The following RABGGTB variants were observed in gnomAD, a reference collection of about 807,000 sequenced individuals.
RABGGTB encodes geranylgeranyl transferase type-2 subunit beta.
A neutral mutation model predicts 44.5 loss-of-function variants in RABGGTB; 20 were observed. The observed-to-expected ratio is 0.45, with a 90% confidence interval of 0.32 to 0.65. RABGGTB has a LOEUF of 0.65. RABGGTB is among the 30% of genes least tolerant of loss of function. The pLI, the probability that RABGGTB is intolerant of heterozygous loss-of-function variation, is 0.05. For missense variants in RABGGTB, 302 were observed against 398.7 expected (o/e 0.76, Z 2.06); for synonymous variants, 128 against 136.7 (o/e 0.94, Z 0.44).
chr1:75,788,786 A>G, intron 2 of RABGGTB: 2 of 213,458 alleles, frequency 9.4e-6, no homozygotes, highest in East Asian at 1.0e-4. Context: ...CAGAGTCCAC[A>G]TTAAAATAGA....
intron 3 of RABGGTB, 39 bp downstream of exon 3, chr1:75,789,395 G>A: frequency 6.3e-7 from 1 of 1,575,050 alleles, no homozygotes; most frequent in South Asian, 1.1e-5. Context: ...TTGATAGTAT[G>A]TTCTCTTACT....
chr1:75,787,213 C>T (rs1649515232), intron 1 of RABGGTB: 10 of 630,430 alleles, frequency 1.6e-5, no homozygotes, highest in Non-Finnish European at 3.0e-5. Context: ...TTGTTGGATA[C>T]AATTTGTTGT....
chr1:75,786,334 G>A, intron 1 of RABGGTB, 60 bp downstream of exon 1: 1 of 1,598,996 alleles, frequency 6.3e-7, no homozygotes, highest in South Asian at 1.1e-5. Flanking sequence ...GTGGAGTAGG[G>A]TTAAGCACAC....
chr1:75,787,495 A>AG lies in RABGGTB; in HGVS notation c.5dup. The AG allele has an allele frequency of 6.2e-7, 1 of 1,610,454 alleles. No individual in the cohort carries two copies. Among genetic ancestry groups the AG allele is most frequent in the Non-Finnish European group, 8.5e-7 (1 of 1,176,722 alleles). On this transcript the variant is annotated splice_acceptor_variant, in intron 1 of 8. Transcript: ENST00000319942. LOFTEE classifies it high-confidence loss of function. ...GATGAGATTACCACTTTATTTTGAAAGGGCACTCCACAGAAGGATGTTATT... is the reference window on the plus strand; with the variant it reads ...GATGAGATTACCACTTTATTTTGAAAGGGGCACTCCACAGAAGGATGTTATT...
At chr1:75,788,183 A>T (rs1436518414) in intron 2 of RABGGTB, 1 of 267,940 alleles carries the variant, frequency 3.7e-6, no homozygotes, top group African/African-American at 2.2e-5. Flanking sequence ...CTCTATTAGC[A>T]ATCATGGAGT....
intron 3 of RABGGTB, chr1:75,789,601 TG>T: frequency 1.4e-6 from 1 of 691,862 alleles, no homozygotes; most frequent in Non-Finnish European, 2.7e-6. Context: ...AATAGCTAAA[TG>T]GAGCTATTTG....
In RABGGTB at chr1:75,789,217, T is replaced by C. The variant is rs756978562; in HGVS notation, c.170T>C (p.Met57Thr). ...MSGIYWGLTV[M>T]DLMGQLHRMN... ...GGCATCTATTGGGGTCTGACAGTAA[T>C]GGATCTCATGGGACAACTTCATCGC... is the stretch of plus-strand genomic sequence containing the variant. The change falls in exon 3 of 9, where the codon ATG becomes ACG. Residue 57 changes from methionine (M) to threonine (T), a missense_variant. Met to Thr is a moderately conservative substitution (Grantham distance 81). This residue lies in a region of RABGGTB where 89 missense variants were observed against 75.0 expected (regional missense o/e 1.19). Transcript: ENST00000319942. The C allele has an allele frequency of 2.5e-6, 4 of 1,614,110 alleles. No homozygotes were observed. In the Admixed American group the frequency reaches 6.7e-5, roughly 27 times the overall value.
chr1:75,789,477 G>A (rs1249663200), intron 3 of RABGGTB, 121 bp downstream of exon 3: 2 of 983,108 alleles, frequency 2.0e-6, no homozygotes, highest in African/African-American at 3.2e-5. Context: ...TGTCCTACAA[G>A]GTCAATGATG....
chr1:75,786,970 G>A, intron 1 of RABGGTB: 1 of 415,628 alleles, frequency 2.4e-6, no homozygotes. Context: ...TAAACCGTAA[G>A]TTGTCCTGAA....
At chr1:75,794,022 A>G (rs996276469) in intron 7 of RABGGTB, 62 bp from the exon 8 acceptor site, 29 of 861,016 alleles carry the variant, frequency 3.4e-5, no homozygotes, top group Non-Finnish European at 5.0e-6. Context: ...CCACTTTTAA[A>G]TTGTTCTCAA....
intron 4 of RABGGTB, among the ~76,000 whole-genome samples, chr1:75,790,700 G>A (rs1275906081): frequency 6.6e-6 from 1 of 151,950 alleles, no homozygotes; most frequent in African/African-American, 2.4e-5. Context: ...ACAGTTGCTG[G>A]GGCTGGAGAG....
At chr1:75,791,820 T>C in intron 6 of RABGGTB, 1 of 446,646 alleles carries the variant, frequency 2.2e-6, no homozygotes, top group Middle Eastern at 6.1e-4. Flanking sequence ...ACACTTTTGT[T>C]TTCCATTAAT....
upstream of RABGGTB, chr1:75,786,213 G>T (rs1649467433): frequency 1.2e-6 from 2 of 1,610,234 alleles, no homozygotes; most frequent in Non-Finnish European, 1.7e-6. Flanking sequence ...ATCTGCGCAG[G>T]CGCCCGGCTC....
At chr1:75,793,866 A>T (rs977471860) in intron 7 of RABGGTB, 5 of 435,816 alleles carry the variant, frequency 1.1e-5, no homozygotes, top group Non-Finnish European at 2.0e-5. Flanking sequence ...CTATGAATTG[A>T]AGTTTGGTCT....
Position 75,794,674 on chromosome 1 carries a change from A to G in RABGGTB, c.*24A>G. Reference sequence around the variant, plus strand: ...AGATTCATTGAATTGAAAGTTGCATAGTATAGTTTTGCCATTTTAACATTT... The same window carrying G: ...AGATTCATTGAATTGAAAGTTGCATGGTATAGTTTTGCCATTTTAACATTT... On this transcript the variant is annotated 3_prime_UTR_variant, in exon 9 of 9. Transcript: ENST00000319942. 1.3e-6 allele frequency: 2 copies of G among 1,527,964 alleles called. No homozygotes were observed. Among genetic ancestry groups the G allele is most frequent in the Non-Finnish European group, 1.8e-6 (2 of 1,131,876 alleles). 94.7% of individuals were successfully genotyped at this position (1,527,964 alleles called of 1,614,324 possible).
rs181243449 is a variant in RABGGTB at position 75,794,656 on chromosome 1, T to C, written c.*6T>C. 2.0e-4 allele frequency: 315 copies of C among 1,587,302 alleles called. 1 individual carries two copies. The highest frequency in any genetic ancestry group is 7.2e-5 in the Non-Finnish European group (84 of 1,165,904). On this transcript the variant is annotated 3_prime_UTR_variant, in exon 9 of 9. Coordinates refer to ENST00000319942, the MANE Select transcript of RABGGTB (RefSeq NM_004582.4). ...AGCCTGAGCTAGTGAGCTAGATTCA[T>C]TGAATTGAAAGTTGCATAGTATAGT...
Position 75,786,584 on chromosome 1 carries a change from G to T in RABGGTB, c.3+310G>T, listed in dbSNP as rs78509532. ...GGCTTTTTTTTTTCTTGGAGAGGGG[G>T]TGTCAAAGATTTCTTTAAAATCGTT... On this transcript the variant is annotated intron_variant, in intron 1 of 8. Coordinates refer to ENST00000319942, the MANE Select transcript of RABGGTB (RefSeq NM_004582.4). 731 of 388,544 alleles carry T rather than the reference G, an allele frequency of 1.9e-3. 20 individuals carry two copies. The East Asian group carries it at 0.031, about 16-fold the overall frequency. The allele number at this position is 388,544 out of a possible 1,614,324, so 24.1% of individuals were successfully genotyped here. A position where few individuals can be genotyped will look rare whatever the true frequency, so the allele number is the denominator to read the frequency against.
chr1:75,791,285 G>C lies in RABGGTB; in HGVS notation c.416G>C (p.Gly139Ala). ...TTGATTTGATCTATTTTTATTGTAG[G>C]AGAAATTGACACAAGATTCTCTTTT... ...EDGSFAGDIW[G>A]EIDTRFSFCA... The change falls in exon 5 of 9, where the codon GGA becomes GCA. Residue 139 changes from glycine to alanine, a missense_variant and splice_region_variant. Coordinates refer to ENST00000319942, the MANE Select transcript of RABGGTB (RefSeq NM_004582.4). The C allele has an allele frequency of 6.2e-7, 1 of 1,608,072 alleles. No homozygotes were observed. The highest frequency in any genetic ancestry group is 8.5e-7 in the Non-Finnish European group (1 of 1,174,592).
intron 2 of RABGGTB, 109 bp from the exon 3 acceptor site, chr1:75,789,049 CA>C: frequency 1.1e-6 from 1 of 944,112 alleles, no homozygotes; most frequent in Non-Finnish European, 1.6e-6. Flanking sequence ...CTGTTAAGGT[CA>C]GGAGAGGTAA....
Sources: allele counts gnomAD v4.1 joint callset (sites outside exome capture counted in the v4.1 genomes callset), GRCh38; gene constraint gnomAD v4.1.1; regional missense constraint gnomAD v4.1.1; transcripts MANE v1.5; gene names NCBI Gene and HGNC (gene_info 2026-07-23, HGNC 2026-07-21).